The following TARS3 variants were observed in gnomAD, a reference collection of about 807,000 sequenced individuals.
TARS3 encodes the protein threonyl-tRNA synthetase 3.
TARS3 carries 94 observed loss-of-function variants against 103.5 expected under a neutral mutation model. The observed-to-expected ratio is 0.91, with a 90% CI of 0.77 to 1.08. The LOEUF is 1.08. Ranked by LOEUF, TARS3 falls within the 50% of genes least tolerant of loss-of-function variation. The pLI is 0.00. For missense variants in TARS3, 952 were observed against 995.2 expected (o/e 0.96, Z 0.58); for synonymous variants, 416 against 355.4 (o/e 1.17, Z -1.92).
chr15:101,685,778 G>A, intron 11 of TARS3, 118 bp downstream of exon 11: 1 of 753,180 alleles, frequency 1.3e-6, no homozygotes, highest in East Asian at 2.9e-5. Context: ...GTAAAAATTA[G>A]TAATCACCAC....
At chr15:101,685,521 T>A (rs891618599) in intron 11 of TARS3, among the ~76,000 whole-genome samples, 2 of 152,194 alleles carry the variant, frequency 1.3e-5, no homozygotes, top group Non-Finnish European at 2.9e-5. Context: ...ACCCATTGAT[T>A]ATGACCTCAT....
intron 12 of TARS3, among the ~76,000 whole-genome samples, chr15:101,681,180 C>A (rs1898241350): frequency 6.6e-6 from 1 of 152,176 alleles, no homozygotes; most frequent in African/African-American, 2.4e-5. Context: ...TGTAGTTTCT[C>A]ATAATTCTTG....
At chr15:101,660,614 G>A (rs960682986) in intron 16 of TARS3, among the ~76,000 whole-genome samples, 4 of 152,190 alleles carry the variant, frequency 2.6e-5, no homozygotes, top group African/African-American at 9.7e-5. Flanking sequence ...TGATGAAAGG[G>A]ATCCAACGTA....
intron 4 of TARS3, 92 bp from the exon 5 acceptor site, chr15:101,712,093 G>C: frequency 1.4e-6 from 2 of 1,389,232 alleles, no homozygotes; most frequent in South Asian, 1.4e-5. Flanking sequence ...AAAATTTTAA[G>C]GAGATACATG....
intron 9 of TARS3, 139 bp downstream of exon 9, chr15:101,702,100 A>G (rs1249740874): frequency 1.1e-6 from 1 of 875,830 alleles, no homozygotes; most frequent in African/African-American, 1.7e-5. Context: ...GAAAGCACTG[A>G]GCAGCGGACT....
At chr15:101,655,955 C>T (rs1897185259) in intron 18 of TARS3, 1 of 1,289,200 alleles carries the variant, frequency 7.8e-7, no homozygotes, top group Non-Finnish European at 1.0e-6. Context: ...CTCTAGTGAC[C>T]CATATTGTGA....
intron 12 of TARS3, among the ~76,000 whole-genome samples, chr15:101,680,528 A>G (rs1245511256): frequency 6.6e-6 from 1 of 152,064 alleles, no homozygotes; most frequent in Non-Finnish European, 1.5e-5. Flanking sequence ...CACCTTTCAG[A>G]GTCTCGTGTT....
intron 5 of TARS3, among the ~76,000 whole-genome samples, chr15:101,711,127 TAA>T (rs1899845183): frequency 6.6e-6 from 1 of 152,178 alleles, no homozygotes; most frequent in Admixed American, 6.5e-5. Context: ...CGGAGCGAAT[TAA>T]ACTAGCCTCT....
rs1281089810 is a variant in TARS3, at chr15:101,661,869, C to T, written c.1968-53G>A. 4.6e-6 allele frequency: 5 copies of T among 1,086,508 alleles called. No homozygotes were observed. The East Asian group carries it at 1.3e-4, about 28-fold the overall frequency. The allele number at this position is 1,086,508 out of a possible 1,614,324, so 67.3% of individuals were successfully genotyped here. ...TCTTTTCCTAAGATTCAATAACTAT[C>T]TTCTAGCCTTATATTTAATTTTGAG... On this transcript the variant is annotated intron_variant, in intron 15 of 18. Transcript: ENST00000335968.
At chr15:101,658,127 T>C (rs1897251219) in intron 16 of TARS3, among the ~76,000 whole-genome samples, 2 of 152,156 alleles carry the variant, frequency 1.3e-5, no homozygotes, top group Admixed American at 6.5e-5. Context: ...CCCCAGCAAT[T>C]GCACTCCTGG....
rs1596304754 is a variant in TARS3, at chr15:101,686,044, C to T, written c.1339G>A (p.Asp447Asn). 1 of 1,608,370 alleles carries T rather than the reference C, an allele frequency of 6.2e-7. No homozygotes were observed. Among genetic ancestry groups the T allele is most frequent in the South Asian group, 1.1e-5 (1 of 90,226 alleles). Residue 447 changes from aspartate to asparagine, a missense_variant, in exon 11 of 19, where the codon GAC becomes AAC. Asp to Asn is a conservative substitution (Grantham distance 23). Coordinates refer to ENST00000335968, the MANE Select transcript of TARS3 (RefSeq NM_152334.3). Reference sequence around the variant, plus strand: ...TTGGGAGAGAGCACCTCCGTGAAGTCCCGTTTGTGATATTCCTCCTTCAAG... The same window carrying T: ...TTGGGAGAGAGCACCTCCGTGAAGTTCCGTTTGTGATATTCCTCCTTCAAG... ...DFIREEYHKR[D>N]FTEVLSPNMY...
At chr15:101,664,142 C>G (rs1399898820) in intron 15 of TARS3, 2 of 152,340 alleles carry the variant, frequency 1.3e-5, no homozygotes, top group South Asian at 4.1e-4. Flanking sequence ...CTCTATGCCA[C>G]CTGGCTCCAA....
At chr15:101,699,337 A>G (rs1899138643) in intron 10 of TARS3, 1 of 454,002 alleles carries the variant, frequency 2.2e-6, no homozygotes, top group Admixed American at 2.4e-5. Context: ...TTACCTTAGA[A>G]TAAGAGATCA....
rs371328569 is a variant in TARS3 at position 101,671,562 on chromosome 15, T to C, written c.1891A>G (p.Ile631Val). The change falls in exon 15 of 19, where the codon ATT becomes GTT. Residue 631 changes from isoleucine to valine, a missense_variant. Transcript: ENST00000335968. ...GTAGCACATTGATGGTATCTGCCAA[T>C]AGCATCCTTGATTTTTATGTCAATC... is the stretch of plus-strand genomic sequence containing the variant. ...PKIDIKIKDAIGRYHQCATIQ... is the reference protein window; with the variant it reads ...PKIDIKIKDAVGRYHQCATIQ... 6.2e-7 allele frequency: 1 copy of C among 1,611,604 alleles called. No homozygotes were observed. The highest frequency in any genetic ancestry group is 1.7e-5 in the Admixed American group (1 of 60,004).
intron 3 of TARS3, among the ~76,000 whole-genome samples, chr15:101,715,587 C>T (rs1446068688): frequency 6.6e-6 from 1 of 152,236 alleles, no homozygotes; most frequent in East Asian, 1.9e-4. Context: ...ATCCACCCCA[C>T]GCACACATAT....
chr15:101,703,229 C>A (rs1172722604), intron 8 of TARS3, among the ~76,000 whole-genome samples: 1 of 152,188 alleles, frequency 6.6e-6, no homozygotes, highest in Admixed American at 6.5e-5. Context: ...CACATGCAGA[C>A]AAATATTCTT....
chr15:101,723,780 A>C (rs534247467), intron 1 of TARS3, among the ~76,000 whole-genome samples: 1 of 152,376 alleles, frequency 6.6e-6, no homozygotes, highest in East Asian at 1.9e-4. Flanking sequence ...ATGAGTTTTA[A>C]ACACTCCAGC....
rs1897126364 is a variant in TARS3 at position 101,654,506 on chromosome 15, G to T, written c.*76C>A. 6.6e-7 allele frequency: 1 copy of T among 1,519,780 alleles called. No individual in the cohort carries two copies. The highest frequency in any genetic ancestry group is 2.3e-5 in the East Asian group (1 of 43,780). The allele number at this position is 1,519,780 out of a possible 1,614,324, so 94.1% of individuals were successfully genotyped here. A position where few individuals can be genotyped will look rare whatever the true frequency, so the allele number is the denominator to read the frequency against. Reference sequence around the variant, plus strand: ...CATCAGTGGCTCCAAAGTCGTAGAAGTACTAACATGTTAAGAAAAATACAT... The same window carrying T: ...CATCAGTGGCTCCAAAGTCGTAGAATTACTAACATGTTAAGAAAAATACAT... On this transcript the variant is annotated 3_prime_UTR_variant, in exon 19 of 19. Transcript: ENST00000335968.
intron 6 of TARS3, among the ~76,000 whole-genome samples, chr15:101,707,628 T>C (rs1015323500): frequency 2.6e-5 from 4 of 151,972 alleles, no homozygotes; most frequent in Admixed American, 2.0e-4. Context: ...ATTCCACTGA[T>C]ATGAAGTGCC....
Sources: allele counts gnomAD v4.1 joint callset (sites outside exome capture counted in the v4.1 genomes callset), GRCh38; gene constraint gnomAD v4.1.1; transcripts MANE v1.5; gene names NCBI Gene and HGNC (gene_info 2026-07-23, HGNC 2026-07-21).